Variants in EPHB6 observed in about 807,000 individuals in gnomAD.
The protein encoded by EPHB6 is EPH receptor B6, also known as ephrin type-B receptor 6.
A neutral mutation model predicts 107.0 loss-of-function variants in EPHB6; 51 were observed. That is an observed-to-expected ratio of 0.48 (90% CI 0.38 to 0.60). The LOEUF (loss-of-function observed/expected upper bound fraction) is 0.60, where lower values mean the gene tolerates loss of function less well. EPHB6 is among the 20% of genes least tolerant of loss of function. The pLI, the probability that EPHB6 is intolerant of heterozygous loss-of-function variation, is 0.00. For missense variants in EPHB6, 1,141 were observed against 1,355.5 expected (o/e 0.84, Z 2.48); for synonymous variants, 553 against 549.0 (o/e 1.01, Z -0.10).
intron 1 of EPHB6, among the ~76,000 whole-genome samples, chr7:142,859,162 G>A (rs1802738121): frequency 6.6e-6 from 1 of 152,192 alleles, no homozygotes; most frequent in African/African-American, 2.4e-5. Context: ...TTGTAAGTCA[G>A]AGGAGAGAGG....
intron 6 of EPHB6, 38 bp from the exon 7 acceptor site, chr7:142,863,928 C>A: frequency 6.2e-7 from 1 of 1,614,040 alleles, no homozygotes. Context: ...CGTGCTTAAG[C>A]CCGGAGCCCC....
Position 142,870,265 on chromosome 7 carries a change from C to T in EPHB6, c.2662C>T (p.Pro888Ser), listed in dbSNP as rs1311538273. 3 of 1,614,232 alleles carry T rather than the reference C, an allele frequency of 1.9e-6. No homozygotes were observed. The highest frequency in any genetic ancestry group is 1.3e-5 in the African/African-American group (1 of 75,058). ...EFRLPPPPGC[P>S]PGLHLLMLDT... ...CCGGCTGCCCCCGCCTCCAGGCTGT[C>T]CTCCTGGATTACATCTACTTATGTT... is the stretch of plus-strand genomic sequence containing the variant. The change falls in exon 18 of 20, where the codon CCT (proline) becomes TCT (serine). Residue 888 changes from proline to serine, a missense_variant. Transcript: ENST00000652003.
In EPHB6 at chr7:142,869,639, G is replaced by T; in HGVS notation, c.2461-178G>T. On this transcript the variant is annotated intron_variant, in intron 16 of 19. Transcript: ENST00000652003. This position sits in a 1 kb window ranked among gnomAD's most constrained non-coding sequence, Gnocchi z 4.5. ...CACATAGTAGTTGCTCCATAAACGT[G>T]ACTATTGCTTCTGCTTCTGTGAAAT... is the stretch of plus-strand genomic sequence containing the variant. The T allele has an allele frequency of 4.0e-6, 3 of 741,058 alleles. No individual in the cohort carries two copies. Among genetic ancestry groups the T allele is most frequent in the Non-Finnish European group, 6.9e-6 (3 of 436,102 alleles). The allele number at this position is 741,058 out of a possible 1,614,324, so 45.9% of individuals were successfully genotyped here.
At position 142,866,174 on chromosome 7, in the gene EPHB6, C is replaced by T; in HGVS notation, c.1320C>T (p.Gly440=). 6.2e-7 allele frequency: 1 copy of T among 1,614,134 alleles called. No homozygotes were observed. Among genetic ancestry groups the T allele is most frequent in the Non-Finnish European group, 8.5e-7 (1 of 1,180,028 alleles). Residue 440 remains glycine (G), a synonymous_variant, in exon 9 of 20, where the codon GGC becomes GGT. Coordinates refer to ENST00000652003, the MANE Select transcript of EPHB6 (RefSeq NM_004445.6). The surrounding 1 kb of genome is among the most constrained non-coding windows in gnomAD (Gnocchi z 5.2). ...TCCACTTCGACCCTCGCCAGAGAGGCCTGACTGAGAGCCGAGTGTTAGTGG... is the reference window on the plus strand; with the variant it reads ...TCCACTTCGACCCTCGCCAGAGAGGTCTGACTGAGAGCCGAGTGTTAGTGG... The part of the protein sequence containing the change: ...DEVHFDPRQR[G]LTESRVLVGG...
intron 7 of EPHB6, among the ~76,000 whole-genome samples, chr7:142,865,152 A>G (rs1220104273): frequency 6.6e-6 from 1 of 152,160 alleles, no homozygotes; most frequent in African/African-American, 2.4e-5. Flanking sequence ...AGTGGATGGC[A>G]GCTAGGGAGA....
rs779429573 is a variant in EPHB6, at chr7:142,864,667, G to A, written c.867G>A (p.Gly289=). The change falls in exon 7 of 20, where the codon GGG becomes GGA. Residue 289 remains glycine (G), a synonymous_variant. Transcript: ENST00000652003. The part of the protein sequence containing the change: ...GGSPPRLHCN[G]EGKWMVAVGG... ...GCCCCCCCAGGCTGCACTGCAACGG[G>A]GAGGGCAAGTGGATGGTAGCTGTCG... 6.8e-6 allele frequency: 11 copies of A among 1,612,850 alleles called. No homozygotes were observed. In the African/African-American group the frequency reaches 1.1e-4, roughly 16 times the overall value.
At chr7:142,864,834 AT>A in intron 7 of EPHB6, 85 bp downstream of exon 7, 1 of 1,519,726 alleles carries the variant, frequency 6.6e-7, no homozygotes, top group Non-Finnish European at 9.1e-7. Context: ...CCCAAAATTC[AT>A]TTTATCTGCA....
In EPHB6 at chr7:142,869,016, C is replaced by T. The variant is rs2116476855; in HGVS notation, c.2329C>T (p.Gln777Ter). Residue 777 changes from glutamine (Q) to a stop codon, truncating the protein, a stop_gained, in exon 16 of 20, where the codon CAG (glutamine) becomes TAG (stop). Transcript: ENST00000652003. LOFTEE classifies it high-confidence loss of function. The surrounding 1 kb of genome is among the most constrained non-coding windows in gnomAD (Gnocchi z 4.5). ...QFSSLQLVAM[Q>*]RGVAAAMQYL... ...CAGCAGCCTGCAGCTGGTGGCCATG[C>T]AGCGGGGAGTGGCTGCTGCCATGCA... is the stretch of plus-strand genomic sequence containing the variant. 6.2e-7 allele frequency: 1 copy of T among 1,612,158 alleles called. No individual in the cohort carries two copies.
At chr7:142,860,742 G>A (rs1415658890) in intron 1 of EPHB6, among the ~76,000 whole-genome samples, 1 of 152,162 alleles carries the variant, frequency 6.6e-6, no homozygotes, top group Non-Finnish European at 1.5e-5. Context: ...GGGCTAGTTG[G>A]CAGGTGCCCA....
At position 142,866,222 on chromosome 7, in the gene EPHB6, C is replaced by T. The variant is rs749932499; in HGVS notation, c.1368C>T (p.Pro456=). 1.2e-5 allele frequency: 20 copies of T among 1,614,018 alleles called. No homozygotes were observed. Among genetic ancestry groups the T allele is most frequent in the African/African-American group, 5.3e-5 (4 of 74,904 alleles). ...VLVGGLRAHV[P]YILEVQAVNG... is the part of the protein sequence containing the mutation. Reference sequence around the variant, plus strand: ...TGGGGGGACTCCGGGCACACGTACCCTACATCTTAGAGGTGCAGGCTGTTA... The same window carrying T: ...TGGGGGGACTCCGGGCACACGTACCTTACATCTTAGAGGTGCAGGCTGTTA... The change falls in exon 9 of 20, where the codon CCC becomes CCT. Residue 456 remains proline (P), a synonymous_variant. Coordinates refer to ENST00000652003, the MANE Select transcript of EPHB6 (RefSeq NM_004445.6). This position sits in a 1 kb window ranked among gnomAD's most constrained non-coding sequence, Gnocchi z 5.2.
intron 1 of EPHB6, among the ~76,000 whole-genome samples, chr7:142,857,993 TG>T (rs1236692235): frequency 3.3e-5 from 5 of 152,232 alleles, no homozygotes; most frequent in African/African-American, 9.6e-5. Context: ...AGAAGGAAAA[TG>T]GCATGGGGAG....
In EPHB6 at chr7:142,868,112, A is replaced by G; in HGVS notation, c.1918+63A>G. On this transcript the variant is annotated intron_variant, in intron 13 of 19. Transcript: ENST00000652003. This position sits in a 1 kb window ranked among gnomAD's most constrained non-coding sequence, Gnocchi z 4.2. ...CACATGGGTGGGGCACATGGCAGGC[A>G]AGGCTGGATCCCCCCAAGATTGGGG... The G allele has an allele frequency of 1.2e-6, 2 of 1,613,742 alleles. No individual in the cohort carries two copies. The highest frequency in any genetic ancestry group is 1.7e-6 in the Non-Finnish European group (2 of 1,179,760).
chr7:142,867,396 GGA>G lies in EPHB6; in HGVS notation c.1751-211_1751-210del, dbSNP rs1375083974. 1 of 652,746 alleles carries G rather than the reference GGA, an allele frequency of 1.5e-6. No homozygotes were observed. Among genetic ancestry groups the G allele is most frequent in the Non-Finnish European group, 2.8e-6 (1 of 358,758 alleles). 40.4% of individuals were successfully genotyped at this position (652,746 alleles called of 1,614,324 possible). On this transcript the variant is annotated intron_variant, in intron 11 of 19. Coordinates refer to ENST00000652003, the MANE Select transcript of EPHB6 (RefSeq NM_004445.6). This position sits in a 1 kb window ranked among gnomAD's most constrained non-coding sequence, Gnocchi z 5.3. ...TGTGTGTGGATGTGGAGGGCTGTGG[GGA>G]TGTGTGTGTGTGTTGTGTGTCCCTG... is the stretch of plus-strand genomic sequence containing the variant.
chr7:142,859,656 C>A (rs1344523221), intron 1 of EPHB6, among the ~76,000 whole-genome samples: 1 of 151,966 alleles, frequency 6.6e-6, no homozygotes, highest in Non-Finnish European at 1.5e-5. Flanking sequence ...GTATTTATAA[C>A]CTTCAGTCAT....
Position 142,868,108 on chromosome 7 carries a change from A to C in EPHB6, c.1918+59A>C. The stretch of plus-strand genomic sequence containing the variant: ...GGAACACATGGGTGGGGCACATGGC[A>C]GGCAAGGCTGGATCCCCCCAAGATT... On this transcript the variant is annotated intron_variant, in intron 13 of 19. Transcript: ENST00000652003. The surrounding 1 kb of genome is among the most constrained non-coding windows in gnomAD (Gnocchi z 4.2). 1 of 1,613,736 alleles carries C rather than the reference A, an allele frequency of 6.2e-7. No homozygotes were observed.
rs1794619012 is a variant in EPHB6 at position 142,866,670 on chromosome 7, C to T, written c.1587+65C>T. 17 of 1,611,828 alleles carry T rather than the reference C, an allele frequency of 1.1e-5. No individual in the cohort carries two copies. In the South Asian group the frequency reaches 1.6e-4, roughly 16 times the overall value. On this transcript the variant is annotated intron_variant, in intron 10 of 19. Transcript: ENST00000652003. This position sits in a 1 kb window ranked among gnomAD's most constrained non-coding sequence, Gnocchi z 5.2. ...GGAGCTCATAGGCCTCACAGTGGGGCCCAGAGGTGACCAGGTGCACAGGAG... is the reference window on the plus strand; with the variant it reads ...GGAGCTCATAGGCCTCACAGTGGGGTCCAGAGGTGACCAGGTGCACAGGAG...
At chr7:142,865,293 C>T (rs1026258491) in intron 7 of EPHB6, among the ~76,000 whole-genome samples, 182 bp from the exon 8 acceptor site, 16 of 152,216 alleles carry the variant, frequency 1.1e-4, no homozygotes, top group African/African-American at 3.9e-4. Flanking sequence ...CAATTCTGTC[C>T]CAGCAATTGG....
In EPHB6 at chr7:142,866,621, G is replaced by A; in HGVS notation, c.1587+16G>A. ...CTATGACCAGGTGCGCAGGAGGAGTGGGGGTTCCGCAGTAGGGCTGGTAGG... is the reference window on the plus strand; with the variant it reads ...CTATGACCAGGTGCGCAGGAGGAGTAGGGGTTCCGCAGTAGGGCTGGTAGG... On this transcript the variant is annotated intron_variant, in intron 10 of 19. Coordinates refer to ENST00000652003, the MANE Select transcript of EPHB6 (RefSeq NM_004445.6). The surrounding 1 kb of genome is among the most constrained non-coding windows in gnomAD (Gnocchi z 5.2). 1 of 1,613,880 alleles carries A rather than the reference G, an allele frequency of 6.2e-7. No individual in the cohort carries two copies. The highest frequency in any genetic ancestry group is 8.5e-7 in the Non-Finnish European group (1 of 1,180,028).
At position 142,866,016 on chromosome 7, in the gene EPHB6, C is replaced by G. The variant is rs778821549; in HGVS notation, c.1162C>G (p.Leu388Val). 2 of 1,613,958 alleles carry G rather than the reference C, an allele frequency of 1.2e-6. No homozygotes were observed. The highest frequency in any genetic ancestry group is 3.3e-5 in the Admixed American group (2 of 60,004). Residue 388 changes from leucine (L) to valine (V), a missense_variant, in exon 9 of 20, where the codon CTA becomes GTA. Physicochemically the swap from Leu to Val is conservative, Grantham distance 32. Around this residue, in one of 3 missense-constraint regions of EPHB6, gnomAD observed 304 missense variants for 295.7 expected, o/e 1.03. Coordinates refer to ENST00000652003, the MANE Select transcript of EPHB6 (RefSeq NM_004445.6). This position sits in a 1 kb window ranked among gnomAD's most constrained non-coding sequence, Gnocchi z 5.2. ...TGAGGTGCAAGGCTCAGCACTCATGCTACACTGGCGCCTGCCTCGGGAGCT... is the reference window on the plus strand; with the variant it reads ...TGAGGTGCAAGGCTCAGCACTCATGGTACACTGGCGCCTGCCTCGGGAGCT... ...WFEVQGSALMLHWRLPRELGG... is the reference protein window; with the variant it reads ...WFEVQGSALMVHWRLPRELGG...
Sources: gnomAD v4.1 joint callset for allele counts (sites outside exome capture counted in the v4.1 genomes callset) on GRCh38, gnomAD v4.1.1 for gene constraint, gnomAD v4.1.1 regional missense constraint, Gnocchi (gnomAD v3.1) non-coding constraint, MANE v1.5 for transcripts, NCBI Gene and HGNC (gene_info 2026-07-23, HGNC 2026-07-21) for gene names.